SERP2: variants seen among roughly 807,000 people sequenced by gnomAD.
SERP2 encodes stress associated endoplasmic reticulum protein family member 2.
In SERP2, 6 loss-of-function variants were observed where a neutral mutation model predicts 9.1. The ratio of observed to expected loss-of-function variants is 0.66; its 90% CI spans 0.36 to 1.30. SERP2 has a LOEUF of 1.30. SERP2 is among the 50% of genes most tolerant of loss of function. The probability of loss-of-function intolerance (pLI) is 0.03; values close to 1 mark genes in which losing one functional copy is unlikely to be tolerated. For missense variants in SERP2, 58 were observed against 81.9 expected, an observed-to-expected ratio of 0.71 and a Z score of 1.13; for synonymous variants, 37 against 27.3, an observed-to-expected ratio of 1.35 and a Z score of -1.10.
chr13:44,385,340 G>C (rs1483639560), intron 2 of SERP2, among the ~76,000 whole-genome samples: 1 of 152,172 alleles, frequency 6.6e-6, no homozygotes, highest in Non-Finnish European at 1.5e-5. Flanking sequence ...CAGGCACCCA[G>C]AGACCCCTGG....
chr13:44,387,240 T>C (rs1872368200), intron 2 of SERP2, among the ~76,000 whole-genome samples: 1 of 152,150 alleles, frequency 6.6e-6, no homozygotes, highest in African/African-American at 2.4e-5. Context: ...TCACTGCTGT[T>C]TGTGCCCAGA....
chr13:44,391,663 C>G (rs1242632858), intron 2 of SERP2, among the ~76,000 whole-genome samples: 1 of 152,156 alleles, frequency 6.6e-6, no homozygotes, highest in Non-Finnish European at 1.5e-5. Flanking sequence ...CCTGGACCGG[C>G]ATCTCAACAT....
intron 2 of SERP2, among the ~76,000 whole-genome samples, chr13:44,392,742 T>C (rs891762305): frequency 1.3e-5 from 2 of 151,998 alleles, no homozygotes; most frequent in African/African-American, 2.4e-5. Flanking sequence ...CACCCAGCTG[T>C]AGATATCAAC....
At chr13:44,390,296 T>TAC in intron 2 of SERP2, 2 of 188,776 alleles carry the variant, frequency 1.1e-5, no homozygotes, top group South Asian at 5.1e-5. Flanking sequence ...GCCACCGGTG[T>TAC]CCCCACCCAC....
chr13:44,388,679 C>G (rs1325326), intron 2 of SERP2, among the ~76,000 whole-genome samples: 150,402 of 152,326 alleles, frequency 0.99, 74,276 homozygotes, highest in Non-Finnish European at 1. Flanking sequence ...CTGCGGGTTG[C>G]GGGAGGGGAG....
chr13:44,393,179 A>C (rs7324386), intron 2 of SERP2, among the ~76,000 whole-genome samples: 150,251 of 152,178 alleles, frequency 0.99, 74,206 homozygotes, highest in Non-Finnish European at 1. Context: ...AGAGCAGAAG[A>C]TAAAATGAGG....
intron 2 of SERP2, among the ~76,000 whole-genome samples, chr13:44,384,271 C>A (rs1872192644): frequency 6.6e-6 from 1 of 152,206 alleles, no homozygotes; most frequent in South Asian, 2.1e-4. Context: ...CGATTCATTT[C>A]TTCTTGCAGA....
At chr13:44,380,731 C>G (rs1298842808) in intron 2 of SERP2, among the ~76,000 whole-genome samples, 4 of 152,146 alleles carry the variant, frequency 2.6e-5, no homozygotes. Flanking sequence ...CAAAGAAAGA[C>G]AGTTCTACTC....
chr13:44,395,907 C>T (rs920329301), intron 2 of SERP2: 1 of 450,364 alleles, frequency 2.2e-6, no homozygotes, highest in African/African-American at 2.0e-5. Context: ...TGATCAGAAG[C>T]AGAAATGGGA....
chr13:44,390,356 G>A (rs1382542018), intron 2 of SERP2: 1 of 430,728 alleles, frequency 2.3e-6, no homozygotes, highest in Admixed American at 2.7e-5. Flanking sequence ...CATATTTGCA[G>A]GTCAACCACA....
At chr13:44,389,177 G>A (rs1872496026) in intron 2 of SERP2, among the ~76,000 whole-genome samples, 1 of 152,174 alleles carries the variant, frequency 6.6e-6, no homozygotes, top group South Asian at 2.1e-4. Context: ...GTGGCGTATT[G>A]GGTGAAAGCC....
At chr13:44,382,503 G>T (rs1201185175) in intron 2 of SERP2, among the ~76,000 whole-genome samples, 2 of 150,108 alleles carry the variant, frequency 1.3e-5, no homozygotes, top group Non-Finnish European at 3.0e-5. Flanking sequence ...TCATACCACA[G>T]GAAAATCAAG....
chr13:44,375,508 A>G, intron 1 of SERP2, among the ~76,000 whole-genome samples: 1 of 152,042 alleles, frequency 6.6e-6, no homozygotes, highest in East Asian at 1.9e-4. Flanking sequence ...TGTTTTCCCT[A>G]TTTTTACTGA....
At chr13:44,384,327 CA>C (rs1872195997) in intron 2 of SERP2, among the ~76,000 whole-genome samples, 1 of 152,190 alleles carries the variant, frequency 6.6e-6, no homozygotes, top group South Asian at 2.1e-4. Context: ...GGTCACAGGC[CA>C]TAAGTGCCTA....
At chr13:44,389,960 T>C (rs189290723) in intron 2 of SERP2, among the ~76,000 whole-genome samples, 61 of 152,116 alleles carry the variant, frequency 4.0e-4, no homozygotes, top group Non-Finnish European at 5.4e-4. Context: ...CTGAGGCTCA[T>C]AGAGGAATTT....
chr13:44,391,957 G>A (rs1410471293), intron 2 of SERP2, among the ~76,000 whole-genome samples: 1 of 151,434 alleles, frequency 6.6e-6, no homozygotes, highest in Admixed American at 6.6e-5. Flanking sequence ...AGCACTTTGG[G>A]AGGCCGAGGC....
intron 2 of SERP2, among the ~76,000 whole-genome samples, chr13:44,387,037 G>A (rs1396642710): frequency 6.6e-6 from 1 of 152,166 alleles, no homozygotes; most frequent in African/African-American, 2.4e-5. Flanking sequence ...TTTGAAACCT[G>A]CCTCTTTGGA....
At chr13:44,397,081 A>ACTGAG (rs1439028663) in intron 2 of SERP2, among the ~76,000 whole-genome samples, 191 bp from the exon 3 acceptor site, 2 of 152,298 alleles carry the variant, frequency 1.3e-5, no homozygotes, top group African/African-American at 4.8e-5. Flanking sequence ...CCATCAGCCG[A>ACTGAG]CTGAGCGAGG....
At chr13:44,376,620 C>G (rs548075118) in intron 1 of SERP2, among the ~76,000 whole-genome samples, 2 of 151,934 alleles carry the variant, frequency 1.3e-5, no homozygotes, top group Non-Finnish European at 2.9e-5. Context: ...ACTAAAAATA[C>G]AAAAATTAGC....
Sources: allele counts gnomAD v4.1 joint callset (sites outside exome capture counted in the v4.1 genomes callset), GRCh38; gene constraint gnomAD v4.1.1; transcripts MANE v1.5; gene names NCBI Gene and HGNC (gene_info 2026-07-23, HGNC 2026-07-21).